Variants in COL21A1 observed in about 807,000 individuals in gnomAD.
COL21A1 encodes the protein collagen alpha-1(XXI) chain.
A neutral mutation model predicts 137.9 loss-of-function variants in COL21A1; 149 were observed. The ratio of observed to expected loss-of-function variants is 1.08; its 90% CI spans 0.95 to 1.24. COL21A1 has a LOEUF of 1.24. COL21A1 is among the 50% of genes most tolerant of loss of function. The probability of loss-of-function intolerance (pLI) is 0.00; values close to 1 mark genes in which losing one functional copy is unlikely to be tolerated. For missense variants in COL21A1, 1,167 were observed against 1,158.4 expected (o/e 1.01, Z -0.11); for synonymous variants, 456 against 391.5 (o/e 1.16, Z -1.95).
At chr6:56,107,354 G>T (rs1239926606) in intron 16 of COL21A1, among the ~76,000 whole-genome samples, 1 of 151,708 alleles carries the variant, frequency 6.6e-6, no homozygotes. Context: ...TCTGTAATTG[G>T]AGTCCTTGAG....
At chr6:56,202,955 T>C (rs553543206) in intron 1 of COL21A1, among the ~76,000 whole-genome samples, 14 of 152,300 alleles carry the variant, frequency 9.2e-5, no homozygotes, top group South Asian at 4.1e-4. Context: ...CAGGATTCCA[T>C]TGGTGATTTT....
At chr6:56,380,742 C>T (rs2094007418) in intron 1 of COL21A1, among the ~76,000 whole-genome samples, 1 of 152,118 alleles carries the variant, frequency 6.6e-6, no homozygotes, top group African/African-American at 2.4e-5. Context: ...TTGAAAATGG[C>T]CCCTAAATGT....
intron 7 of COL21A1, 92 bp downstream of exon 7, chr6:56,166,814 T>C (rs1283396549): frequency 1.1e-6 from 1 of 933,554 alleles, no homozygotes; most frequent in Admixed American, 2.0e-5. Context: ...AGTCTACATA[T>C]TAAATTAATA....
At chr6:56,226,659 C>A (rs1379596287) in intron 1 of COL21A1, among the ~76,000 whole-genome samples, 1 of 151,944 alleles carries the variant, frequency 6.6e-6, no homozygotes, top group Non-Finnish European at 1.5e-5. Context: ...CTTAATTTAT[C>A]TTGAATTGTT....
intron 1 of COL21A1, among the ~76,000 whole-genome samples, chr6:56,355,701 G>A (rs1465763194): frequency 6.6e-6 from 1 of 152,132 alleles, no homozygotes; most frequent in Non-Finnish European, 1.5e-5. Context: ...ATTTCTCCAG[G>A]GGCTTGGGAA....
intron 1 of COL21A1, among the ~76,000 whole-genome samples, chr6:56,278,940 G>A (rs1335491605): frequency 6.6e-6 from 1 of 152,248 alleles, no homozygotes; most frequent in Non-Finnish European, 1.5e-5. Context: ...CTAGGGATTA[G>A]TGAGGGTAGA....
chr6:56,106,857 G>A (rs981020587), intron 16 of COL21A1, among the ~76,000 whole-genome samples: 1 of 151,976 alleles, frequency 6.6e-6, no homozygotes, highest in Non-Finnish European at 1.5e-5. Flanking sequence ...CGCCATCTCG[G>A]CTCACTGCAA....
intron 1 of COL21A1, among the ~76,000 whole-genome samples, chr6:56,306,916 T>C (rs1764474756): frequency 6.6e-6 from 1 of 152,238 alleles, no homozygotes; most frequent in Admixed American, 6.5e-5. Context: ...GGATGTCCTT[T>C]CTGTTTGTTA....
chr6:56,116,902 G>A (rs182041347), intron 16 of COL21A1, among the ~76,000 whole-genome samples: 47 of 151,652 alleles, frequency 3.1e-4, no homozygotes, highest in Non-Finnish European at 5.6e-4. Flanking sequence ...TAAAATAATG[G>A]GTTATAAAAT....
At chr6:56,229,412 CAT>C (rs1216001297) in intron 1 of COL21A1, among the ~76,000 whole-genome samples, 2 of 151,842 alleles carry the variant, frequency 1.3e-5, no homozygotes, top group Non-Finnish European at 2.9e-5. Context: ...AAATAATAAA[CAT>C]ATTTTTAAAC....
chr6:56,330,647 C>T (rs1429325155), intron 1 of COL21A1, among the ~76,000 whole-genome samples: 1 of 152,030 alleles, frequency 6.6e-6, no homozygotes, highest in Non-Finnish European at 1.5e-5. Context: ...TTTCATCCCT[C>T]GCCTCTCTCC....
chr6:56,276,507 A>G (rs1412862559), intron 1 of COL21A1: 8 of 1,064,482 alleles, frequency 7.5e-6, no homozygotes, highest in Non-Finnish European at 1.1e-5. Flanking sequence ...CTTAAAATAA[A>G]CCAGAAAACA....
chr6:56,087,909 A>G (rs1768411820), intron 17 of COL21A1, among the ~76,000 whole-genome samples: 1 of 152,174 alleles, frequency 6.6e-6, no homozygotes, highest in African/African-American at 2.4e-5. Context: ...CTTTGTTGGC[A>G]GAAGCTGCTT....
chr6:56,183,638 C>G (rs1778065047), intron 1 of COL21A1, among the ~76,000 whole-genome samples: 1 of 152,080 alleles, frequency 6.6e-6, no homozygotes, highest in African/African-American at 2.4e-5. Flanking sequence ...CCAGAGACTT[C>G]CTCAAATATA....
rs201654196 is a variant in COL21A1 at position 56,064,631 on chromosome 6, T to TAA, written c.2128-11_2128-10dup. The TAA allele has an allele frequency of 4.5e-6, 7 of 1,554,618 alleles. No individual in the cohort carries two copies. In the East Asian group the frequency reaches 9.4e-5, roughly 21 times the overall value. On this transcript the variant is annotated splice_polypyrimidine_tract_variant and intron_variant, in intron 23 of 29. Coordinates refer to ENST00000244728, the MANE Select transcript of COL21A1 (RefSeq NM_030820.4). ...TTTTCTCCCTTTTGACCCTTTAAAA[T>TAA]AAAAAAAAACATTATTGATTAGTTT...
chr6:56,129,683 T>TGC (rs1773348159), intron 12 of COL21A1, among the ~76,000 whole-genome samples: 1 of 109,234 alleles, frequency 9.2e-6, no homozygotes, highest in Non-Finnish European at 2.0e-5. Flanking sequence ...TGCGTGTGTG[T>TGC]GTGTGTGTGT....
At chr6:56,125,081 C>T (rs1263310130) in intron 14 of COL21A1, among the ~76,000 whole-genome samples, 7 of 115,800 alleles carry the variant, frequency 6.0e-5, no homozygotes, top group African/African-American at 1.4e-4. Flanking sequence ...AGTGCAGTGG[C>T]GTGATCTTGG....
At chr6:56,216,298 A>G (rs1287287039) in intron 1 of COL21A1, among the ~76,000 whole-genome samples, 3 of 152,090 alleles carry the variant, frequency 2.0e-5, no homozygotes, top group African/African-American at 7.2e-5. Flanking sequence ...TACAGAGAGG[A>G]CCAACATTAT....
intron 12 of COL21A1, among the ~76,000 whole-genome samples, chr6:56,129,683 T>C (rs1773347750): frequency 1.8e-5 from 2 of 109,232 alleles, no homozygotes; most frequent in Admixed American, 1.7e-4. Flanking sequence ...TGCGTGTGTG[T>C]GTGTGTGTGT....
Sources: allele counts gnomAD v4.1 joint callset (sites outside exome capture counted in the v4.1 genomes callset), GRCh38; gene constraint gnomAD v4.1.1; transcripts MANE v1.5; gene names NCBI Gene and HGNC (gene_info 2026-07-23, HGNC 2026-07-21).